NXNL1: variants seen among roughly 807,000 people sequenced by gnomAD.
NXNL1 encodes nucleoredoxin-like protein 1.
In NXNL1, 6 loss-of-function variants were observed where a neutral mutation model predicts 7.2. That is an observed-to-expected ratio of 0.83 (90% CI 0.46 to 1.64). The LOEUF is 1.64. Among genes scored for constraint, NXNL1 ranks in the 40% most tolerant of loss-of-function variants. NXNL1 has a pLI of 0.01. For synonymous variants in NXNL1, 133 were observed against 127.2 expected, an observed-to-expected ratio of 1.05 and a Z score of -0.31; for missense variants, 308 against 285.1, an observed-to-expected ratio of 1.08 and a Z score of -0.58.
At chr19:17,456,607 C>A (rs535250593) in intron 1 of NXNL1, among the ~76,000 whole-genome samples, 18 of 152,068 alleles carry the variant, frequency 1.2e-4, no homozygotes, top group African/African-American at 4.3e-4. Context: ...GCTTGGCCGG[C>A]GTGGTGGCTC....
rs540754301 is a variant in NXNL1, at chr19:17,460,645, C to T, written c.225G>A (p.Leu75=). Residue 75 remains leucine (L), a synonymous_variant, in exon 1 of 2, where the codon CTG becomes CTA. Coordinates refer to ENST00000301944, the MANE Select transcript of NXNL1 (RefSeq NM_138454.2). ...CCGTGGAGTCCTGGGACACGTACAC[C>T]AGGGCCAGCTGAGCCGCCCGCAGTA... is the stretch of plus-strand genomic sequence containing the variant. ...FYVLRAAQLA[L]VYVSQDSTEE... 2 of 1,613,062 alleles carry T rather than the reference C, an allele frequency of 1.2e-6. No individual in the cohort carries two copies. Among genetic ancestry groups the T allele is most frequent in the South Asian group, 1.1e-5 (1 of 91,088 alleles).
intron 1 of NXNL1, among the ~76,000 whole-genome samples, chr19:17,458,220 C>CTTTTTTTTTT (rs756873224): frequency 3.3e-4 from 40 of 122,160 alleles, no homozygotes; most frequent in African/African-American, 8.5e-4. Context: ...TTCTTTCTTT[C>CTTTTTTTTTT]TTTTTTTTTT....
intron 1 of NXNL1, among the ~76,000 whole-genome samples, chr19:17,458,370 G>A (rs1159391740): frequency 1.0e-4 from 15 of 149,434 alleles, no homozygotes; most frequent in Non-Finnish European, 4.4e-5. Context: ...ACAGGCGCCC[G>A]CCACCACGCC....
Position 17,455,663 on chromosome 19 carries a change from G to GGGC in NXNL1, c.622_623insGCC (p.Ala208delinsGlyPro). On this transcript the variant is annotated protein_altering_variant, in exon 2 of 2. Transcript: ENST00000301944. The stretch of plus-strand genomic sequence containing the variant: ...CCTAGCGGGTCAGAACAGCCCCCCG[G>GGGC]CCCCGCCCTCCTCCCCACCCCCTCC... 5.7e-5 allele frequency: 44 copies of GGGC among 771,630 alleles called. No homozygotes were observed. The highest frequency in any genetic ancestry group is 6.5e-5 in the Non-Finnish European group (30 of 464,406). 47.8% of individuals were successfully genotyped at this position (771,630 alleles called of 1,614,324 possible). A position where few individuals can be genotyped will look rare whatever the true frequency, so the allele number is the denominator to read the frequency against.
At position 17,460,835 on chromosome 19, in the gene NXNL1, C is replaced by T. The variant is rs376824868; in HGVS notation, c.35G>A (p.Arg12His). The change falls in exon 1 of 2, where the codon CGC becomes CAC. Residue 12 changes from arginine to histidine, a missense_variant. Arg to His is a conservative substitution (Grantham distance 29, BLOSUM62 0). Transcript: ENST00000301944. ...ASLFSGRILI[R>H]NNSDQDELDT... ...CAGCTCGTCCTGGTCGCTATTGTTG[C>T]GGATCAGGATGCGGCCAGAGAACAG... is the stretch of plus-strand genomic sequence containing the variant. 19 of 1,613,592 alleles carry T rather than the reference C, an allele frequency of 1.2e-5. No homozygotes were observed. The highest frequency in any genetic ancestry group is 1.6e-4 in the Middle Eastern group (1 of 6,084).
rs2074991588 is a variant in NXNL1 at position 17,455,921 on chromosome 19, G to A, written c.365C>T (p.Ala122Val). 6.3e-7 allele frequency: 1 copy of A among 1,595,910 alleles called. No homozygotes were observed. The stretch of plus-strand genomic sequence containing the variant: ...CCCGTCCGGCTTGAGCACCACGACC[G>A]CCGGCAGGCGCTCCACTGAGAACTG... ...GRQFSVERLP[A>V]VVVLKPDGDV... The change falls in exon 2 of 2, where the codon GCG becomes GTG. Residue 122 changes from alanine to valine, a missense_variant. By Grantham distance (64) the Ala-to-Val change is moderately conservative. Transcript: ENST00000301944.
Position 17,460,808 on chromosome 19 carries a change from T to A in NXNL1, c.62A>T (p.Asp21Val). 6.2e-7 allele frequency: 1 copy of A among 1,613,820 alleles called. No individual in the cohort carries two copies. The highest frequency in any genetic ancestry group is 8.5e-7 in the Non-Finnish European group (1 of 1,180,026). Residue 21 changes from aspartate to valine, a missense_variant, in exon 1 of 2, where the codon GAT becomes GTT. Transcript: ENST00000301944. ...CCTGCGACTGACCTCAGCCTCCGTA[T>A]CCAGCTCGTCCTGGTCGCTATTGTT... is the stretch of plus-strand genomic sequence containing the variant. Reference protein sequence around the residue: ...IRNNSDQDELDTEAEVSRRLE... With the variant: ...IRNNSDQDELVTEAEVSRRLE...
intron 1 of NXNL1, among the ~76,000 whole-genome samples, chr19:17,458,052 G>A (rs996248396): frequency 2.0e-5 from 3 of 151,974 alleles, no homozygotes; most frequent in African/African-American, 4.8e-5. Context: ...ATATAGACAC[G>A]TATTTTTATT....
chr19:17,455,668 G>GGGGC lies in NXNL1; in HGVS notation c.617_618insGCCC (p.Gly207ProfsTer11). 3.0e-6 allele frequency: 1 copy of GGGGC among 330,280 alleles called. No individual in the cohort carries two copies. Among genetic ancestry groups the GGGGC allele is most frequent in the Non-Finnish European group, 4.7e-6 (1 of 214,740 alleles). The allele number at this position is 330,280 out of a possible 1,614,324, so 20.5% of individuals were successfully genotyped here. ...CGGGTCAGAACAGCCCCCCGGCCCC[G>GGGGC]CCCTCCTCCCCACCCCCTCCCCCGG... On this transcript the variant is annotated frameshift_variant, in exon 2 of 2. Coordinates refer to ENST00000301944, the MANE Select transcript of NXNL1 (RefSeq NM_138454.2). LOFTEE classifies it high-confidence loss of function.
At chr19:17,458,220 C>CTTTTTTTTTTTTTTTTTTTTT (rs756873224) in intron 1 of NXNL1, among the ~76,000 whole-genome samples, 4 of 122,160 alleles carry the variant, frequency 3.3e-5, no homozygotes, top group East Asian at 2.3e-4. Flanking sequence ...TTCTTTCTTT[C>CTTTTTTTTTTTTTTTTTTTTT]TTTTTTTTTT....
rs1345260968 is a variant in NXNL1 at position 17,455,468 on chromosome 19, A to T, written c.*179T>A. ...CAGGTGCGCGCCACCACACCGGGCT[A>T]ACTTTTAATTTTCGTAGAGTCAGGG... On this transcript the variant is annotated 3_prime_UTR_variant, in exon 2 of 2. Transcript: ENST00000301944. 1.7e-6 allele frequency: 1 copy of T among 586,998 alleles called. No homozygotes were observed. Among genetic ancestry groups the T allele is most frequent in the African/African-American group, 1.9e-5 (1 of 52,918 alleles). 36.4% of individuals were successfully genotyped at this position (586,998 alleles called of 1,614,324 possible). A position where few individuals can be genotyped will look rare whatever the true frequency, so the allele number is the denominator to read the frequency against.
At chr19:17,460,514 CT>C in intron 1 of NXNL1, 29 bp downstream of exon 1, 1 of 1,596,228 alleles carries the variant, frequency 6.3e-7, no homozygotes, top group Non-Finnish European at 8.5e-7. Context: ...ATGCCCCCTC[CT>C]CCAGGAAGCC....
At position 17,460,692 on chromosome 19, in the gene NXNL1, G is replaced by A. The variant is rs182137093; in HGVS notation, c.178C>T (p.Arg60Trp). 35 of 1,613,786 alleles carry A rather than the reference G, an allele frequency of 2.2e-5. No individual in the cohort carries two copies. The highest frequency in any genetic ancestry group is 1.6e-4 in the Middle Eastern group (1 of 6,062). The stretch of plus-strand genomic sequence containing the variant: ...AGTACATAGAACTCATCTGTGAGCC[G>A]CACGAAGAAGTCCTTGAGGATGGGC... ...FVPILKDFFV[R>W]LTDEFYVLRA... is the part of the protein sequence containing the mutation. The change falls in exon 1 of 2, where the codon CGG (arginine) becomes TGG (tryptophan). Residue 60 changes from arginine to tryptophan, a missense_variant. Physicochemically the swap from Arg to Trp is moderately radical, Grantham distance 101. Transcript: ENST00000301944.
rs951411957 is a variant in NXNL1 at position 17,455,896 on chromosome 19, C to A, written c.390G>T (p.Gly130=). 3.6e-5 allele frequency: 57 copies of A among 1,594,208 alleles called. No individual in the cohort carries two copies. Among genetic ancestry groups the A allele is most frequent in the Non-Finnish European group, 4.2e-5 (50 of 1,177,662 alleles). Reference sequence around the variant, plus strand: ...CGGCGCCGTCGCGAGTGAGCACGTCCCCGTCCGGCTTGAGCACCACGACCG... The same window carrying A: ...CGGCGCCGTCGCGAGTGAGCACGTCACCGTCCGGCTTGAGCACCACGACCG... ...LPAVVVLKPD[G]DVLTRDGADE... Residue 130 remains glycine, a synonymous_variant, in exon 2 of 2, where the codon GGG becomes GGT. Transcript: ENST00000301944.
rs890427313 is a variant in NXNL1 at position 17,455,853 on chromosome 19, C to T, written c.433G>A (p.Gly145Ser). The T allele has an allele frequency of 4.4e-6, 7 of 1,588,780 alleles. No individual in the cohort carries two copies. In the African/African-American group the frequency reaches 9.4e-5, roughly 21 times the overall value. ...RDGADEIQRL[G>S]TACFANWQEA... Reference sequence around the variant, plus strand: ...TGCCAGTTGGCGAAGCAGGCGGTGCCCAGGCGCTGGATCTCGTCGGCGCCG... The same window carrying T: ...TGCCAGTTGGCGAAGCAGGCGGTGCTCAGGCGCTGGATCTCGTCGGCGCCG... Residue 145 changes from glycine (G) to serine (S), a missense_variant, in exon 2 of 2, where the codon GGC becomes AGC. Physicochemically the swap from Gly to Ser is moderately conservative, Grantham distance 56. Transcript: ENST00000301944.
chr19:17,459,188 A>G (rs1260832729), intron 1 of NXNL1, among the ~76,000 whole-genome samples: 1 of 151,900 alleles, frequency 6.6e-6, no homozygotes, highest in Non-Finnish European at 1.5e-5. Flanking sequence ...GACCTGTCAC[A>G]TCTAAAGAAG....
chr19:17,458,958 G>C (rs1305471333), intron 1 of NXNL1, among the ~76,000 whole-genome samples: 1 of 151,906 alleles, frequency 6.6e-6, no homozygotes, highest in Non-Finnish European at 1.5e-5. Context: ...GTGGTGTCTT[G>C]CTGTGTTGCC....
In NXNL1 at chr19:17,460,601, A is replaced by T; in HGVS notation, c.269T>A (p.Phe90Tyr). The change falls in exon 1 of 2, where the codon TTC (phenylalanine) becomes TAC (tyrosine). Residue 90 changes from phenylalanine to tyrosine, a missense_variant. Coordinates refer to ENST00000301944, the MANE Select transcript of NXNL1 (RefSeq NM_138454.2). ...QDSTEEQQDLFLKDMPKKWLF... is the reference protein window; with the variant it reads ...QDSTEEQQDLYLKDMPKKWLF... ...CCATTTCTTTGGCATGTCCTTGAGG[A>T]ACAGGTCCTGCTGCTCCTCCGTGGA... 6.2e-7 allele frequency: 1 copy of T among 1,608,706 alleles called. No homozygotes were observed. Among genetic ancestry groups the T allele is most frequent in the South Asian group, 1.1e-5 (1 of 91,088 alleles).
chr19:17,460,605 G>A lies in NXNL1; in HGVS notation c.265C>T (p.Leu89=), dbSNP rs1356908457. ...SQDSTEEQQD[L]FLKDMPKKWL... ...TTCTTTGGCATGTCCTTGAGGAACA[G>A]GTCCTGCTGCTCCTCCGTGGAGTCC... The change falls in exon 1 of 2, where the codon CTG becomes TTG. Residue 89 remains leucine (L), a synonymous_variant. Coordinates refer to ENST00000301944, the MANE Select transcript of NXNL1 (RefSeq NM_138454.2). 6.2e-7 allele frequency: 1 copy of A among 1,609,218 alleles called. No individual in the cohort carries two copies. The highest frequency in any genetic ancestry group is 8.5e-7 in the Non-Finnish European group (1 of 1,180,014).
Sources: gnomAD v4.1 joint callset for allele counts (sites outside exome capture counted in the v4.1 genomes callset) on GRCh38, gnomAD v4.1.1 for gene constraint, MANE v1.5 for transcripts, NCBI Gene and HGNC (gene_info 2026-07-23, HGNC 2026-07-21) for gene names.